Variants in RBM47 observed in about 807,000 individuals in gnomAD.
RBM47 encodes the protein RNA-binding protein 47.
RBM47 carries 21 observed loss-of-function variants against 47.1 expected under a neutral mutation model. The ratio of observed to expected loss-of-function variants is 0.45; its 90% CI spans 0.32 to 0.64. The LOEUF (loss-of-function observed/expected upper bound fraction) is 0.64. Among genes scored for constraint, RBM47 ranks in the 30% least tolerant of loss-of-function variants. The pLI, the probability that RBM47 is intolerant of heterozygous loss-of-function variation, is 0.05. For synonymous variants in RBM47, 375 were observed against 361.7 expected (o/e 1.04, Z -0.42); for missense variants, 708 against 870.9 (o/e 0.81, Z 2.35).
intron 2 of RBM47, among the ~76,000 whole-genome samples, chr4:40,494,309 TG>T (rs1330525342): frequency 6.6e-6 from 1 of 152,242 alleles, no homozygotes; most frequent in Non-Finnish European, 1.5e-5. Flanking sequence ...GAGTCCCTTC[TG>T]ATCAGACCTT....
intron 2 of RBM47, among the ~76,000 whole-genome samples, chr4:40,516,401 A>G (rs1278675758): frequency 6.6e-6 from 1 of 151,554 alleles, no homozygotes; most frequent in Admixed American, 6.6e-5. Context: ...CTGGGATTAC[A>G]GGCACCTGAC....
chr4:40,423,489 T>A lies in RBM47; in HGVS notation c.*2415A>T, dbSNP rs1157967027. The A allele has an allele frequency of 6.7e-6, 1 of 148,768 alleles. No individual in the cohort carries two copies. Among genetic ancestry groups the A allele is most frequent in the Non-Finnish European group, 1.5e-5 (1 of 66,996 alleles). The allele number at this position is 148,768 out of a possible 1,614,324, so 9.2% of individuals were successfully genotyped here. On this transcript the variant is annotated 3_prime_UTR_variant, in exon 7 of 7. Transcript: ENST00000295971. The stretch of plus-strand genomic sequence containing the variant: ...AAAAAAAAGTTCACATTTCAAGTTA[T>A]AAACTTACCTCAGTAGTGTACATGA...
intron 2 of RBM47, among the ~76,000 whole-genome samples, chr4:40,534,353 C>T (rs141679326): frequency 1.4e-4 from 21 of 152,278 alleles, no homozygotes; most frequent in African/African-American, 4.6e-4. Flanking sequence ...GACAGCAGAG[C>T]AGCTGGGATC....
chr4:40,587,273 A>G (rs1405798920), intron 1 of RBM47, among the ~76,000 whole-genome samples: 7 of 152,112 alleles, frequency 4.6e-5, no homozygotes, highest in Admixed American at 2.0e-4. Flanking sequence ...ATCTGGGGAA[A>G]TCCTCACTGC....
intron 1 of RBM47, among the ~76,000 whole-genome samples, chr4:40,572,906 C>G (rs1731870035): frequency 6.6e-6 from 1 of 151,686 alleles, no homozygotes; most frequent in Non-Finnish European, 1.5e-5. Context: ...AATCACAACA[C>G]TTTGGGAGGC....
At chr4:40,432,402 T>C (rs1716300187) in intron 6 of RBM47, among the ~76,000 whole-genome samples, 1 of 152,148 alleles carries the variant, frequency 6.6e-6, no homozygotes, top group East Asian at 1.9e-4. Flanking sequence ...ATTATGACAC[T>C]GTGAAAAATT....
At chr4:40,591,940 AG>A (rs1734181467) in intron 1 of RBM47, among the ~76,000 whole-genome samples, 2 of 152,318 alleles carry the variant, frequency 1.3e-5, no homozygotes, top group South Asian at 4.1e-4. Context: ...AACCTCTCAA[AG>A]TTAATATATA....
At chr4:40,460,888 CAAAA>C (rs35536750) in intron 3 of RBM47, among the ~76,000 whole-genome samples, 2 of 92,942 alleles carry the variant, frequency 2.2e-5, no homozygotes, top group South Asian at 3.7e-4. Context: ...GACTCTGTCT[CAAAA>C]AAAAAAAAAA....
At chr4:40,486,151 ATTAT>A (rs1316282355) in intron 2 of RBM47, among the ~76,000 whole-genome samples, 2 of 150,372 alleles carry the variant, frequency 1.3e-5, no homozygotes, top group African/African-American at 2.4e-5. Flanking sequence ...GAAGAAACTG[ATTAT>A]TTATCTGAAT....
At chr4:40,509,799 T>G (rs1724669978) in intron 2 of RBM47, among the ~76,000 whole-genome samples, 1 of 151,164 alleles carries the variant, frequency 6.6e-6, no homozygotes, top group African/African-American at 2.4e-5. Context: ...GGCAGAATGG[T>G]GTGAGCCCGG....
At chr4:40,465,741 T>C (rs1171804633) in intron 3 of RBM47, among the ~76,000 whole-genome samples, 3 of 152,120 alleles carry the variant, frequency 2.0e-5, no homozygotes, top group Non-Finnish European at 4.4e-5. Flanking sequence ...TCAGTCCTAC[T>C]TGGAGAAGAT....
chr4:40,447,092 T>A (rs893748723), intron 3 of RBM47, among the ~76,000 whole-genome samples: 2 of 152,302 alleles, frequency 1.3e-5, no homozygotes, highest in African/African-American at 4.8e-5. Flanking sequence ...ACTTGCCACA[T>A]TGGATGCAAA....
intron 1 of RBM47, among the ~76,000 whole-genome samples, chr4:40,607,628 G>T (rs1460570787): frequency 6.6e-6 from 1 of 152,148 alleles, no homozygotes; most frequent in Non-Finnish European, 1.5e-5. Flanking sequence ...GATTGCTTGA[G>T]CCTGGGAGAT....
At chr4:40,451,541 G>C (rs975277900) in intron 3 of RBM47, among the ~76,000 whole-genome samples, 5 of 152,064 alleles carry the variant, frequency 3.3e-5, no homozygotes, top group African/African-American at 1.2e-4. Flanking sequence ...GTTTTCAAAT[G>C]TCATTACTGG....
Position 40,441,984 on chromosome 4 carries a change from C to T in RBM47, c.-31-3060G>A, listed in dbSNP as rs564503935. ...TTTACTTTGGCCTCTAGGAAGTTCACGATTGATTTTTTTCACTCCAATTTT... is the reference window on the plus strand; with the variant it reads ...TTTACTTTGGCCTCTAGGAAGTTCATGATTGATTTTTTTCACTCCAATTTT... On this transcript the variant is annotated intron_variant, in intron 3 of 6. Transcript: ENST00000295971. Among the ~76,000 whole-genome samples the T allele has an allele frequency of 7.2e-5, 11 of 152,268 alleles. No individual in the cohort carries two copies. The East Asian group carries it at 9.6e-4, about 13-fold the overall frequency.
At chr4:40,479,950 T>A (rs1720142253) in intron 2 of RBM47, among the ~76,000 whole-genome samples, 1 of 150,960 alleles carries the variant, frequency 6.6e-6, no homozygotes, top group African/African-American at 2.4e-5. Context: ...ATACATAGGT[T>A]GAGGCAGGTA....
intron 1 of RBM47, among the ~76,000 whole-genome samples, chr4:40,601,467 T>C (rs751878976): frequency 5.3e-5 from 8 of 152,174 alleles, no homozygotes; most frequent in South Asian, 2.1e-4. Flanking sequence ...AAAGTTCATG[T>C]GTGCAGAAAA....
Position 40,438,122 on chromosome 4 carries a change from T to C in RBM47, c.772A>G (p.Thr258Ala). 1 of 1,613,392 alleles carries C rather than the reference T, an allele frequency of 6.2e-7. No individual in the cohort carries two copies. Among genetic ancestry groups the C allele is most frequent in the Non-Finnish European group, 8.5e-7 (1 of 1,180,022 alleles). Reference protein sequence around the residue: ...LYVRNLMIETTEDTIKKSFGQ... With the variant: ...LYVRNLMIETAEDTIKKSFGQ... ...AAGCTCTTCTTGATGGTGTCCTCGG[T>C]GGTCTCGATCATGAGGTTGCGCACG... The change falls in exon 4 of 7, where the codon ACC (threonine) becomes GCC (alanine). Residue 258 changes from threonine (T) to alanine (A), a missense_variant. By Grantham distance (58) the Thr-to-Ala change is moderately conservative. Transcript: ENST00000295971.
chr4:40,438,473 G>C lies in RBM47; in HGVS notation c.421C>G (p.Leu141Val), dbSNP rs1713069338. ...LNNYEIRPGR[L>V]LGVCCSVDNC... ...TCCACGCTGCAGCACACGCCGAGCA[G>C]GCGGCCCGGGCGGATCTCGTAGTTG... Residue 141 changes from leucine to valine, a missense_variant, in exon 4 of 7, where the codon CTG (leucine) becomes GTG (valine). Physicochemically the swap from Leu to Val is conservative, Grantham distance 32 (BLOSUM62 1). Transcript: ENST00000295971. The C allele has an allele frequency of 6.2e-7, 1 of 1,613,516 alleles. No homozygotes were observed. Among genetic ancestry groups the C allele is most frequent in the Admixed American group, 1.7e-5 (1 of 60,018 alleles).
Sources: allele counts gnomAD v4.1 joint callset (sites outside exome capture counted in the v4.1 genomes callset), GRCh38; gene constraint gnomAD v4.1.1; transcripts MANE v1.5; gene names NCBI Gene and HGNC (gene_info 2026-07-23, HGNC 2026-07-21).